LAMA2: variants seen among roughly 807,000 people sequenced by gnomAD.
The protein encoded by LAMA2 is laminin subunit alpha-2.
LAMA2 carries 269 observed loss-of-function variants against 364.8 expected under a neutral mutation model. That is an observed-to-expected ratio of 0.74 (90% confidence interval 0.67 to 0.82). The LOEUF is 0.82. LAMA2 is among the 40% of genes least tolerant of loss of function. The pLI is 0.00. For missense variants in LAMA2, 3,807 were observed against 3,873.2 expected, an observed-to-expected ratio of 0.98 and a Z score of 0.45; for synonymous variants, 1,379 against 1,370.6, an observed-to-expected ratio of 1.01 and a Z score of -0.14.
At chr6:128,949,671 AAAG>A (rs201041913) in intron 1 of LAMA2, among the ~76,000 whole-genome samples, 1,681 of 152,262 alleles carry the variant, frequency 0.011, 30 homozygotes, top group African/African-American at 0.039. Flanking sequence ...AACAAAATGA[AAAG>A]AAGAAAAAAC....
intron 1 of LAMA2, among the ~76,000 whole-genome samples, chr6:128,991,135 GA>G (rs201036504): frequency 2.9e-4 from 44 of 150,826 alleles, no homozygotes; most frequent in South Asian, 2.1e-3. Flanking sequence ...CCATACAGGG[GA>G]AAAAAAAATC....
intron 30 of LAMA2, among the ~76,000 whole-genome samples, chr6:129,344,586 A>G (rs961949314): frequency 2.6e-5 from 4 of 152,226 alleles, no homozygotes; most frequent in African/African-American, 9.6e-5. Context: ...ATGAAGGAAG[A>G]GATATGTTAA....
At chr6:129,177,622 T>G in intron 9 of LAMA2, 84 bp from the exon 10 acceptor site, 3 of 1,394,532 alleles carry the variant, frequency 2.2e-6, no homozygotes, top group Non-Finnish European at 3.1e-6. Flanking sequence ...AAATAGCATT[T>G]TAAAGGTTAC....
chr6:129,336,916 A>G (rs1300862816), intron 29 of LAMA2, among the ~76,000 whole-genome samples: 1 of 152,228 alleles, frequency 6.6e-6, no homozygotes, highest in African/African-American at 2.4e-5. Flanking sequence ...AGCTGAAAGT[A>G]TTATCTAATG....
At chr6:129,097,508 C>T (rs1775261555) in intron 3 of LAMA2, among the ~76,000 whole-genome samples, 1 of 152,098 alleles carries the variant, frequency 6.6e-6, no homozygotes, top group South Asian at 2.1e-4. Flanking sequence ...TGCATGTTTA[C>T]CTTTTGTAAA....
intron 58 of LAMA2, among the ~76,000 whole-genome samples, chr6:129,501,924 A>C (rs1306575053): frequency 6.6e-6 from 1 of 152,190 alleles, no homozygotes; most frequent in East Asian, 1.9e-4. Flanking sequence ...AAAATGGAAA[A>C]TGCAGGGCCC....
intron 7 of LAMA2, among the ~76,000 whole-genome samples, chr6:129,154,134 C>A (rs114208730): frequency 0.028 from 4,187 of 152,196 alleles, 128 homozygotes; most frequent in East Asian, 0.15. Flanking sequence ...AAAGTCTAGG[C>A]CGGGGGCAGT....
At chr6:129,006,763 A>T (rs951043154) in intron 1 of LAMA2, among the ~76,000 whole-genome samples, 4 of 152,122 alleles carry the variant, frequency 2.6e-5, no homozygotes, top group African/African-American at 9.7e-5. Context: ...AATCAGGAAG[A>T]CATCCCCTTT....
At chr6:128,934,809 A>AT (rs1429410658) in intron 1 of LAMA2, among the ~76,000 whole-genome samples, 1 of 152,030 alleles carries the variant, frequency 6.6e-6, no homozygotes, top group Non-Finnish European at 1.5e-5. Flanking sequence ...ACACCCGGCC[A>AT]TTTTTTCTAC....
intron 40 of LAMA2, among the ~76,000 whole-genome samples, chr6:129,427,396 C>T (rs1208646262): frequency 6.6e-6 from 1 of 152,190 alleles, no homozygotes; most frequent in Non-Finnish European, 1.5e-5. Flanking sequence ...GTCCTTACAA[C>T]ACCGCCAGTT....
chr6:129,029,697 T>C (rs1423522992), intron 1 of LAMA2, among the ~76,000 whole-genome samples: 1 of 151,996 alleles, frequency 6.6e-6, no homozygotes, highest in Non-Finnish European at 1.5e-5. Context: ...AATATATGAA[T>C]TGTGAGATAA....
At chr6:129,089,126 A>T (rs979048012) in intron 3 of LAMA2, among the ~76,000 whole-genome samples, 1 of 152,262 alleles carries the variant, frequency 6.6e-6, no homozygotes, top group African/African-American at 2.4e-5. Context: ...AGCCCGGTAG[A>T]TGATGATATT....
At chr6:129,427,993 C>A in intron 41 of LAMA2, 139 bp downstream of exon 41, 1 of 682,180 alleles carries the variant, frequency 1.5e-6, no homozygotes, top group Non-Finnish European at 2.6e-6. Flanking sequence ...TGCAAGTAAA[C>A]TTTCTCACTA....
At chr6:129,110,760 A>G (rs1330069510) in intron 4 of LAMA2, among the ~76,000 whole-genome samples, 1 of 151,972 alleles carries the variant, frequency 6.6e-6, no homozygotes, top group Non-Finnish European at 1.5e-5. Context: ...CAAACCTTAT[A>G]ATCATTCCAC....
chr6:129,130,295 G>A (rs191618487), intron 4 of LAMA2, among the ~76,000 whole-genome samples: 5 of 152,366 alleles, frequency 3.3e-5, no homozygotes, highest in African/African-American at 7.2e-5. Context: ...GCCATAGAGT[G>A]TGACCATTGT....
chr6:128,996,369 G>T (rs910497074), intron 1 of LAMA2, among the ~76,000 whole-genome samples: 8 of 152,054 alleles, frequency 5.3e-5, no homozygotes, highest in Non-Finnish European at 1.2e-4. Flanking sequence ...GAAAATTTTT[G>T]CAATCTATCC....
At chr6:129,339,724 G>T (rs1221360661) in intron 29 of LAMA2, among the ~76,000 whole-genome samples, 1 of 152,212 alleles carries the variant, frequency 6.6e-6, no homozygotes, top group East Asian at 1.9e-4. Context: ...AGCCATGGGG[G>T]CTGGGCACGG....
intron 8 of LAMA2, among the ~76,000 whole-genome samples, chr6:129,156,617 G>A (rs1303443768): frequency 6.6e-6 from 1 of 151,604 alleles, no homozygotes; most frequent in Non-Finnish European, 1.5e-5. Flanking sequence ...ATCAAATGCA[G>A]GAATTCACTT....
chr6:129,183,214 A>C (rs2115023738), intron 10 of LAMA2, among the ~76,000 whole-genome samples: 1 of 151,604 alleles, frequency 6.6e-6, no homozygotes, highest in East Asian at 1.9e-4. Flanking sequence ...GTGCTGTCTG[A>C]CTCTCAGTAT....
Sources: allele counts gnomAD v4.1 joint callset (sites outside exome capture counted in the v4.1 genomes callset), GRCh38; gene constraint gnomAD v4.1.1; transcripts MANE v1.5; gene names NCBI Gene and HGNC (gene_info 2026-07-23, HGNC 2026-07-21).